The following GAB1 variants were observed in gnomAD, a reference collection of about 807,000 sequenced individuals.
GAB1 encodes the protein GRB2 associated binding protein 1.
In GAB1, 19 loss-of-function variants were observed where a neutral mutation model predicts 66.5. The observed-to-expected ratio is 0.29, with a 90% CI of 0.20 to 0.42. The LOEUF (loss-of-function observed/expected upper bound fraction) is 0.42. GAB1 is among the 10% of genes least tolerant of loss of function. The pLI is 1.00. For synonymous variants in GAB1, 294 were observed against 301.4 expected, an observed-to-expected ratio of 0.98 and a Z score of 0.25; for missense variants, 732 against 858.5, an observed-to-expected ratio of 0.85 and a Z score of 1.84.
intron 1 of GAB1, among the ~76,000 whole-genome samples, chr4:143,407,795 G>A (rs1489048060): frequency 6.6e-6 from 1 of 152,078 alleles, no homozygotes; most frequent in Non-Finnish European, 1.5e-5. Context: ...GTATTTTAAA[G>A]CAAATGGTTT....
chr4:143,431,583 A>G (rs1366695867), intron 2 of GAB1, among the ~76,000 whole-genome samples: 4 of 152,222 alleles, frequency 2.6e-5, no homozygotes, highest in African/African-American at 7.2e-5. Context: ...GCTCAGAGAA[A>G]GGAAAACCCA....
At chr4:143,438,870 A>C (rs1734079787) in intron 4 of GAB1, among the ~76,000 whole-genome samples, 1 of 151,882 alleles carries the variant, frequency 6.6e-6, no homozygotes, top group Non-Finnish European at 1.5e-5. Flanking sequence ...ACTTTCTATA[A>C]TCCTGGGTGG....
At chr4:143,380,608 A>T (rs1730617792) in intron 1 of GAB1, 1 of 152,184 alleles carries the variant, frequency 6.6e-6, no homozygotes, top group African/African-American at 2.4e-5. Context: ...TTCTTTGTTA[A>T]TAGAGTCTCA....
rs77064754 is a variant in GAB1, at chr4:143,347,981, A to G, written c.72+10721A>G. ...GGTCCTTTTTCCATCACCCTTATTT[A>G]AACACCAGTCTCTGATGTTCCTAAG... On this transcript the variant is annotated intron_variant, in intron 1 of 9. Transcript: ENST00000262994. Among the ~76,000 whole-genome samples, 524 of 152,252 alleles carry G rather than the reference A, an allele frequency of 3.4e-3. 4 individuals carry two copies. Among genetic ancestry groups the G allele is most frequent in the African/African-American group, 0.012 (496 of 41,554 alleles).
intron 1 of GAB1, among the ~76,000 whole-genome samples, chr4:143,337,564 T>C (rs1728702968): frequency 1.3e-5 from 2 of 152,176 alleles, no homozygotes; most frequent in South Asian, 4.2e-4. Context: ...CTTTTTTTCT[T>C]CCTTAGGAAG....
At chr4:143,388,640 C>G (rs774989524) in intron 1 of GAB1, among the ~76,000 whole-genome samples, 2 of 152,078 alleles carry the variant, frequency 1.3e-5, no homozygotes, top group Non-Finnish European at 2.9e-5. Flanking sequence ...GTCTCGAACT[C>G]CCGACCTCAG....
At chr4:143,452,850 C>T (rs1027730428) in intron 6 of GAB1, among the ~76,000 whole-genome samples, 27 of 152,330 alleles carry the variant, frequency 1.8e-4, no homozygotes, top group African/African-American at 6.0e-4. Context: ...AACATTCAGG[C>T]TCACATGAGT....
chr4:143,368,858 T>C (rs1367842626), intron 1 of GAB1, among the ~76,000 whole-genome samples: 3 of 152,152 alleles, frequency 2.0e-5, no homozygotes, highest in East Asian at 3.9e-4. Context: ...CATCTTGACT[T>C]ACTGCAACCT....
rs1732639165 is a variant in GAB1 at position 143,415,618 on chromosome 4, T to C, written c.214T>C (p.Leu72=). 6.2e-7 allele frequency: 1 copy of C among 1,613,956 alleles called. No individual in the cohort carries two copies. The highest frequency in any genetic ancestry group is 1.1e-5 in the South Asian group (1 of 91,088). ...TTTATGTCAACAAGTAGATGCTGGA[T>C]TGACATTTAACAAAAAAGAGTTTGA... The part of the protein sequence containing the change: ...LNLCQQVDAG[L]TFNKKEFENS... The change falls in exon 2 of 10, where the codon TTG becomes CTG. Residue 72 remains leucine, a synonymous_variant. Coordinates refer to ENST00000262994, the MANE Select transcript of GAB1 (RefSeq NM_002039.4).
chr4:143,421,963 A>G (rs568014999), intron 2 of GAB1, among the ~76,000 whole-genome samples: 35 of 152,284 alleles, frequency 2.3e-4, no homozygotes, highest in African/African-American at 8.2e-4. Context: ...TAAACAGATC[A>G]TGCTATGTTT....
chr4:143,363,464 G>A (rs751654187), intron 1 of GAB1, among the ~76,000 whole-genome samples: 11 of 152,130 alleles, frequency 7.2e-5, no homozygotes, highest in Non-Finnish European at 1.2e-4. Flanking sequence ...GAGACAGAGT[G>A]GTTTTTATTT....
chr4:143,449,881 A>C (rs1734814902), intron 6 of GAB1, among the ~76,000 whole-genome samples: 1 of 150,200 alleles, frequency 6.7e-6, no homozygotes, highest in African/African-American at 2.5e-5. Flanking sequence ...GTTTCTTCCT[A>C]GTCTCGGTGG....
chr4:143,337,345 C>A, intron 1 of GAB1, 85 bp downstream of exon 1: 3 of 1,156,704 alleles, frequency 2.6e-6, no homozygotes, highest in African/African-American at 1.5e-5. Flanking sequence ...CAGCTGGCCG[C>A]GCGCGGGGCT....
intron 1 of GAB1, among the ~76,000 whole-genome samples, chr4:143,353,047 G>A (rs539176006): frequency 6.6e-6 from 1 of 152,248 alleles, no homozygotes; most frequent in South Asian, 2.1e-4. Flanking sequence ...GTGTTTTGTA[G>A]GTATCTGTTT....
At chr4:143,417,389 G>A (rs928891933) in intron 2 of GAB1, 2 of 418,228 alleles carry the variant, frequency 4.8e-6, no homozygotes, top group African/African-American at 4.2e-5. Context: ...TTCTACCTCG[G>A]GTACTTTTTT....
intron 3 of GAB1, among the ~76,000 whole-genome samples, chr4:143,435,284 G>A (rs1056267410): frequency 3.3e-5 from 5 of 152,060 alleles, no homozygotes; most frequent in African/African-American, 1.2e-4. Flanking sequence ...ACCTGTAAGA[G>A]CAGAAAAAAA....
In GAB1 at chr4:143,466,156, C is replaced by T. The variant is rs145890652; in HGVS notation, c.1857C>T (p.Pro619=). ...LDGGSSPMIK[P]KGDKQVEYLD... is the part of the protein sequence containing the mutation. ...GAGGAAGCAGCCCTATGATCAAGCCCAAAGGAGACAAACAGGTGGAATACT... is the reference window on the plus strand; with the variant it reads ...GAGGAAGCAGCCCTATGATCAAGCCTAAAGGAGACAAACAGGTGGAATACT... Residue 619 remains proline, a synonymous_variant, in exon 9 of 10, where the codon CCC becomes CCT. Coordinates refer to ENST00000262994, the MANE Select transcript of GAB1 (RefSeq NM_002039.4). 1.8e-5 allele frequency: 29 copies of T among 1,613,766 alleles called. No individual in the cohort carries two copies. In the African/African-American group the frequency reaches 3.1e-4, roughly 17 times the overall value.
At chr4:143,398,582 GT>G (rs28925872) in intron 1 of GAB1, among the ~76,000 whole-genome samples, 1 of 151,596 alleles carries the variant, frequency 6.6e-6, no homozygotes, top group Non-Finnish European at 1.5e-5. Context: ...GTTTTCTGAT[GT>G]TTTTTTCAGT....
At chr4:143,384,020 C>G (rs1305683110) in intron 1 of GAB1, among the ~76,000 whole-genome samples, 1 of 152,066 alleles carries the variant, frequency 6.6e-6, no homozygotes, top group Non-Finnish European at 1.5e-5. Flanking sequence ...CTGCAGTGAG[C>G]TATGGTCGCA....
Sources: allele counts gnomAD v4.1 joint callset (sites outside exome capture counted in the v4.1 genomes callset), GRCh38; gene constraint gnomAD v4.1.1; transcripts MANE v1.5; gene names NCBI Gene and HGNC (gene_info 2026-07-23, HGNC 2026-07-21).